The following PCDHGC4 variants were observed in gnomAD, a reference collection of about 807,000 sequenced individuals.
The protein encoded by PCDHGC4 is protocadherin gamma subfamily C, 4.
PCDHGC4 carries 15 observed loss-of-function variants against 59.7 expected under a neutral mutation model. That is an observed-to-expected ratio of 0.25 (90% CI 0.17 to 0.39). PCDHGC4 has a LOEUF of 0.39. Ranked by LOEUF, PCDHGC4 falls within the 10% of genes least tolerant of loss-of-function variation. The pLI is 1.00. For missense variants in PCDHGC4, 1,016 were observed against 1,189.5 expected (o/e 0.85, Z 2.15); for synonymous variants, 434 against 481.4 (o/e 0.90, Z 1.29).
Position 141,491,699 on chromosome 5 carries a change from A to G in PCDHGC4, c.2443-3108A>G. The G allele has an allele frequency of 6.2e-7, 1 of 1,612,008 alleles. No individual in the cohort carries two copies. The highest frequency in any genetic ancestry group is 1.1e-5 in the South Asian group (1 of 90,926). ...TCTAATACGCTGCGGGAGCGGAGCC[A>G]GGTGAGGGGCTCGGCGCCGCCCCGG... On this transcript the variant is annotated intron_variant, in intron 1 of 3. Transcript: ENST00000306593. The surrounding 1 kb of genome is among the most constrained non-coding windows in gnomAD (Gnocchi z 6.9).
At chr5:141,495,463 G>T (rs1562169154) in intron 2 of PCDHGC4, among the ~76,000 whole-genome samples, 1 of 152,114 alleles carries the variant, frequency 6.6e-6, no homozygotes, top group Non-Finnish European at 1.5e-5. Context: ...TCTGTCTGTG[G>T]GGTCTCCGTG....
chr5:141,505,413 C>G lies in PCDHGC4; in HGVS notation c.2522C>G (p.Thr841Ser). ...CCCAGCTCCCAAAATGGCGATGACA[C>G]CGGCACCTGGCCCAACAACCAGTTT... Reference protein sequence around the residue: ...GTSGSQNGDDTGTWPNNQFDT... With the variant: ...GTSGSQNGDDSGTWPNNQFDT... Residue 841 changes from threonine to serine, a missense_variant, in exon 3 of 4, where the codon ACC (threonine) becomes AGC (serine). Physicochemically the swap from Thr to Ser is moderately conservative, Grantham distance 58. Coordinates refer to ENST00000306593, the MANE Select transcript of PCDHGC4 (RefSeq NM_018928.3). 2.5e-6 allele frequency: 4 copies of G among 1,614,202 alleles called. No individual in the cohort carries two copies. In the South Asian group the frequency reaches 4.4e-5, roughly 18 times the overall value.
intron 2 of PCDHGC4, among the ~76,000 whole-genome samples, chr5:141,500,176 A>G (rs922155744): frequency 1.4e-5 from 2 of 145,916 alleles, no homozygotes; most frequent in Admixed American, 1.4e-4. Flanking sequence ...CATGAGCTTC[A>G]TTTTTATTTT....
chr5:141,491,802 G>A lies in PCDHGC4; in HGVS notation c.2443-3005G>A. 6.7e-7 allele frequency: 1 copy of A among 1,497,480 alleles called. No homozygotes were observed. Among genetic ancestry groups the A allele is most frequent in the East Asian group, 2.5e-5 (1 of 40,518 alleles). The allele number at this position is 1,497,480 out of a possible 1,614,324, so 92.8% of individuals were successfully genotyped here. ...ACTTGCATCCACTCCTCTCCGGCCG[G>A]CTTGGTCGCTGGCTGCGCTCCACCC... On this transcript the variant is annotated intron_variant, in intron 1 of 3. Coordinates refer to ENST00000306593, the MANE Select transcript of PCDHGC4 (RefSeq NM_018928.3). The surrounding 1 kb of genome is among the most constrained non-coding windows in gnomAD (Gnocchi z 6.9).
intron 2 of PCDHGC4, among the ~76,000 whole-genome samples, chr5:141,495,623 C>T (rs990126072): frequency 3.3e-5 from 5 of 152,208 alleles, no homozygotes; most frequent in South Asian, 2.1e-4. Context: ...GCACCTCAGC[C>T]TCAGTCCCTT....
chr5:141,490,313 C>G lies in PCDHGC4; in HGVS notation c.2442+2698C>G. The G allele has an allele frequency of 6.2e-7, 1 of 1,614,222 alleles. No individual in the cohort carries two copies. The highest frequency in any genetic ancestry group is 8.5e-7 in the Non-Finnish European group (1 of 1,180,024). Reference sequence around the variant, plus strand: ...GTGCTATTGGCCTCTTTGGCCAACCCTGTCCTAGAGAGCACACCAGTGGGC... The same window carrying G: ...GTGCTATTGGCCTCTTTGGCCAACCGTGTCCTAGAGAGCACACCAGTGGGC... On this transcript the variant is annotated intron_variant, in intron 1 of 3. Transcript: ENST00000306593. The surrounding 1 kb of genome is among the most constrained non-coding windows in gnomAD (Gnocchi z 5.4).
chr5:141,488,711 A>G (rs184498001), intron 1 of PCDHGC4, among the ~76,000 whole-genome samples: 100 of 152,290 alleles, frequency 6.6e-4, no homozygotes, highest in Non-Finnish European at 1.2e-3. Context: ...TGCTGGTTCA[A>G]GCAAAGTGGT....
Position 141,491,547 on chromosome 5 carries a change from G to C in PCDHGC4, c.2443-3260G>C. On this transcript the variant is annotated intron_variant, in intron 1 of 3. Coordinates refer to ENST00000306593, the MANE Select transcript of PCDHGC4 (RefSeq NM_018928.3). This position sits in a 1 kb window ranked among gnomAD's most constrained non-coding sequence, Gnocchi z 6.9. Reference sequence around the variant, plus strand: ...AGGTGACGCTGCGGCCCACAGACTCGCAGAGCCACTGCTACAGGACGTGCT... The same window carrying C: ...AGGTGACGCTGCGGCCCACAGACTCCCAGAGCCACTGCTACAGGACGTGCT... 6.2e-7 allele frequency: 1 copy of C among 1,613,974 alleles called. No individual in the cohort carries two copies. The highest frequency in any genetic ancestry group is 8.5e-7 in the Non-Finnish European group (1 of 1,180,022).
At chr5:141,510,272 TAA>T (rs546154379) in intron 3 of PCDHGC4, among the ~76,000 whole-genome samples, 46 of 130,286 alleles carry the variant, frequency 3.5e-4, no homozygotes, top group South Asian at 5.0e-4. Context: ...GACTCCATCT[TAA>T]AAAAAAAAAA....
At chr5:141,505,259 C>T in intron 2 of PCDHGC4, 134 bp from the exon 3 acceptor site, 2 of 1,500,262 alleles carry the variant, frequency 1.3e-6, no homozygotes, top group Admixed American at 2.0e-5. Flanking sequence ...GTGCCTCCTA[C>T]CTTGCTGAGA....
chr5:141,511,412 C>A lies in PCDHGC4; in HGVS notation c.*239C>A. 1.1e-6 allele frequency: 1 copy of A among 892,000 alleles called. No homozygotes were observed. Among genetic ancestry groups the A allele is most frequent in the Non-Finnish European group, 1.6e-6 (1 of 609,476 alleles). The allele number at this position is 892,000 out of a possible 1,614,324, so 55.3% of individuals were successfully genotyped here. On this transcript the variant is annotated 3_prime_UTR_variant, in exon 4 of 4. Coordinates refer to ENST00000306593, the MANE Select transcript of PCDHGC4 (RefSeq NM_018928.3). ...AACCCCCATCCAATCAACTGCTGTA[C>A]CCATGGGGGTAGTGGGGTTACTGTA...
chr5:141,501,017 C>T (rs1383853662), intron 2 of PCDHGC4, among the ~76,000 whole-genome samples: 5 of 151,866 alleles, frequency 3.3e-5, no homozygotes, highest in African/African-American at 7.3e-5. Flanking sequence ...TACAGGCACG[C>T]GCCACCACGC....
In PCDHGC4 at chr5:141,489,185, T is replaced by G; in HGVS notation, c.2442+1570T>G. The G allele has an allele frequency of 7.8e-7, 1 of 1,286,838 alleles. No individual in the cohort carries two copies. The highest frequency in any genetic ancestry group is 1.5e-5 in the African/African-American group (1 of 67,216). 79.7% of individuals were successfully genotyped at this position (1,286,838 alleles called of 1,614,324 possible). On this transcript the variant is annotated intron_variant, in intron 1 of 3. Transcript: ENST00000306593. The surrounding 1 kb of genome is among the most constrained non-coding windows in gnomAD (Gnocchi z 4.5). The stretch of plus-strand genomic sequence containing the variant: ...CAGCTGCTGCATTCCAAGCCCTGGG[T>G]CTACCTTGGAGACAGGACAGCACAG...
Position 141,510,956 on chromosome 5 carries a change from A to T in PCDHGC4, c.2600A>T (p.Asp867Val). 1 of 1,614,104 alleles carries T rather than the reference A, an allele frequency of 6.2e-7. No homozygotes were observed. The highest frequency in any genetic ancestry group is 8.5e-7 in the Non-Finnish European group (1 of 1,179,996). The change falls in exon 4 of 4, where the codon GAT becomes GTT. Residue 867 changes from aspartate to valine, a missense_variant. Asp to Val is a radical substitution (Grantham distance 152). Transcript: ENST00000306593. ...MILASASEAA[D>V]GSSTLGGGAG... ...TCCTCTGTCTCTGCAGAAGCTGCTG[A>T]TGGGAGCTCCACCCTGGGAGGGGGT...
At chr5:141,501,569 G>A (rs1401631416) in intron 2 of PCDHGC4, among the ~76,000 whole-genome samples, 3 of 151,998 alleles carry the variant, frequency 2.0e-5, no homozygotes, top group African/African-American at 7.2e-5. Flanking sequence ...AATCATATTA[G>A]GCTGGCTTTC....
At chr5:141,497,464 TGGA>T (rs769464389) in intron 2 of PCDHGC4, among the ~76,000 whole-genome samples, 3 of 151,764 alleles carry the variant, frequency 2.0e-5, no homozygotes, top group Non-Finnish European at 4.4e-5. Context: ...CTTGGAGATA[TGGA>T]GGAGAAGGTG....
rs548074156 is a variant in PCDHGC4 at position 141,511,069 on chromosome 5, G to A, written c.2713G>A (p.Gly905Ser). The A allele has an allele frequency of 6.2e-7, 1 of 1,614,230 alleles. No individual in the cohort carries two copies. Among genetic ancestry groups the A allele is most frequent in the Non-Finnish European group, 8.5e-7 (1 of 1,180,034 alleles). ...CTACCGCCAGAATGTCTACATCCCA[G>A]GCAGCAATGCCACACTGACCAACGC... ...PDYRQNVYIP[G>S]SNATLTNAAG... The change falls in exon 4 of 4, where the codon GGC becomes AGC. Residue 905 changes from glycine (G) to serine (S), a missense_variant. Physicochemically the swap from Gly to Ser is moderately conservative, Grantham distance 56 (BLOSUM62 0). Transcript: ENST00000306593.
At chr5:141,500,340 C>A (rs188966393) in intron 2 of PCDHGC4, among the ~76,000 whole-genome samples, 92 of 152,066 alleles carry the variant, frequency 6.0e-4, no homozygotes, top group African/African-American at 2.1e-3. Flanking sequence ...TCCAGAATAG[C>A]TGGGACTACA....
At chr5:141,505,983 C>G (rs1235662535) in intron 3 of PCDHGC4, among the ~76,000 whole-genome samples, 1 of 152,148 alleles carries the variant, frequency 6.6e-6, no homozygotes, top group Non-Finnish European at 1.5e-5. Context: ...GAGAGAACAC[C>G]TCCTCTTTAT....
Sources: gnomAD v4.1 joint callset for allele counts (sites outside exome capture counted in the v4.1 genomes callset) on GRCh38, gnomAD v4.1.1 for gene constraint, Gnocchi (gnomAD v3.1) non-coding constraint, MANE v1.5 for transcripts, NCBI Gene and HGNC (gene_info 2026-07-23, HGNC 2026-07-21) for gene names.